The following NR3C2 variants were observed in gnomAD, a reference collection of about 807,000 sequenced individuals.
NR3C2 encodes nuclear receptor subfamily 3 group C member 2.
Under a neutral mutation model 86.4 loss-of-function variants are expected in NR3C2, and 15 were observed. That is an observed-to-expected ratio of 0.17 (90% confidence interval 0.12 to 0.27). The LOEUF is 0.27. Among genes scored for constraint, NR3C2 ranks in the 10% least tolerant of loss-of-function variants. NR3C2 has a pLI of 1.00. For missense variants in NR3C2, 960 were observed against 1,195.6 expected (o/e 0.80, Z 2.91); for synonymous variants, 458 against 450.5 (o/e 1.02, Z -0.21).
chr4:148,143,860 T>A (rs1733735739), intron 6 of NR3C2, among the ~76,000 whole-genome samples: 1 of 137,852 alleles, frequency 7.3e-6, no homozygotes, highest in Admixed American at 8.3e-5. Flanking sequence ...GGCAGGAGAA[T>A]CCCTTGAACC....
chr4:148,251,427 G>C (rs765072894), intron 3 of NR3C2, among the ~76,000 whole-genome samples: 3 of 152,164 alleles, frequency 2.0e-5, no homozygotes, highest in Non-Finnish European at 4.4e-5. Flanking sequence ...AATCACACAA[G>C]TTATATGATC....
intron 2 of NR3C2, among the ~76,000 whole-genome samples, chr4:148,286,826 A>C (rs1741548671): frequency 6.6e-6 from 1 of 152,242 alleles, no homozygotes; most frequent in Non-Finnish European, 1.5e-5. Flanking sequence ...CAGCAAAAAA[A>C]TTCTCATAAC....
At chr4:148,305,941 G>T (rs17581605) in intron 2 of NR3C2, among the ~76,000 whole-genome samples, 3 of 152,046 alleles carry the variant, frequency 2.0e-5, no homozygotes, top group Non-Finnish European at 4.4e-5. Context: ...AAAGAGACTC[G>T]CCAGAGCTAG....
chr4:148,251,769 T>G (rs1330803050), intron 3 of NR3C2, among the ~76,000 whole-genome samples: 1 of 152,214 alleles, frequency 6.6e-6, no homozygotes, highest in African/African-American at 2.4e-5. Context: ...AAATAGAGAT[T>G]ACCCAATTTC....
chr4:148,145,458 C>T (rs970169703), intron 6 of NR3C2, among the ~76,000 whole-genome samples: 3 of 152,182 alleles, frequency 2.0e-5, no homozygotes, highest in Admixed American at 1.3e-4. Flanking sequence ...GAGAGTAACC[C>T]CTCTTCCAAG....
intron 4 of NR3C2, among the ~76,000 whole-genome samples, chr4:148,163,045 T>TG (rs1734735405): frequency 6.6e-6 from 1 of 152,136 alleles, no homozygotes; most frequent in Non-Finnish European, 1.5e-5. Flanking sequence ...GGCTAAATCA[T>TG]GGGGAGCATC....
chr4:148,128,259 C>G (rs1732844110), intron 6 of NR3C2, among the ~76,000 whole-genome samples: 3 of 152,202 alleles, frequency 2.0e-5, no homozygotes, highest in African/African-American at 7.2e-5. Context: ...CATTATGAGA[C>G]TAGTCCATTG....
intron 2 of NR3C2, among the ~76,000 whole-genome samples, chr4:148,333,005 C>A (rs558163696): frequency 6.6e-6 from 1 of 152,194 alleles, no homozygotes; most frequent in South Asian, 2.1e-4. Context: ...GTGGTTCAAG[C>A]CTGTAATCCC....
chr4:148,344,291 AAGT>A (rs1413847239), intron 2 of NR3C2, among the ~76,000 whole-genome samples: 1 of 152,192 alleles, frequency 6.6e-6, no homozygotes, highest in African/African-American at 2.4e-5. Context: ...ACATGATTAG[AAGT>A]ATATCTAACA....
Position 148,081,265 on chromosome 4 carries a change from A to AAAC in NR3C2, c.*76_*78dup, listed in dbSNP as rs1201811365. On this transcript the variant is annotated 3_prime_UTR_variant, in exon 9 of 9. Coordinates refer to ENST00000358102, the MANE Select transcript of NR3C2 (RefSeq NM_000901.5). ...GTGTGAATCAACCATCACATGTTAA[A>AAAC]AACAGGTTTTCTTGGGTCCTTCTGG... The AAAC allele has an allele frequency of 2.5e-6, 4 of 1,577,040 alleles. No homozygotes were observed. The African/African-American group carries it at 5.4e-5, about 21-fold the overall frequency.
At chr4:148,129,344 G>A (rs1030213580) in intron 6 of NR3C2, among the ~76,000 whole-genome samples, 3 of 152,152 alleles carry the variant, frequency 2.0e-5, no homozygotes, top group East Asian at 1.9e-4. Context: ...TAAGTAAAAC[G>A]GTGGTTACCA....
chr4:148,120,662 C>A (rs1005664593), intron 6 of NR3C2, among the ~76,000 whole-genome samples: 4 of 152,226 alleles, frequency 2.6e-5, no homozygotes, highest in Non-Finnish European at 5.9e-5. Context: ...TGTTCCTTTT[C>A]AGCCACAGAT....
At chr4:148,177,020 T>C (rs1478859027) in intron 4 of NR3C2, among the ~76,000 whole-genome samples, 1 of 152,242 alleles carries the variant, frequency 6.6e-6, no homozygotes, top group Non-Finnish European at 1.5e-5. Context: ...TTAAGTATTC[T>C]TTTCAAAATA....
At chr4:148,341,499 A>G (rs1373152281) in intron 2 of NR3C2, among the ~76,000 whole-genome samples, 2 of 152,154 alleles carry the variant, frequency 1.3e-5, no homozygotes, top group Non-Finnish European at 2.9e-5. Flanking sequence ...ATGAGTACAA[A>G]TATACAGTTA....
intron 2 of NR3C2, among the ~76,000 whole-genome samples, chr4:148,277,973 C>T (rs1480023482): frequency 1.3e-5 from 2 of 152,156 alleles, no homozygotes; most frequent in Non-Finnish European, 2.9e-5. Flanking sequence ...ATGTATTCTC[C>T]AAAAGGAGAA....
intron 6 of NR3C2, among the ~76,000 whole-genome samples, chr4:148,121,526 G>A (rs1732504286): frequency 6.6e-6 from 1 of 152,002 alleles, no homozygotes; most frequent in East Asian, 1.9e-4. Context: ...TATGTGCACC[G>A]GATTTTTAAA....
intron 2 of NR3C2, among the ~76,000 whole-genome samples, chr4:148,354,911 C>T (rs1324494637): frequency 6.6e-6 from 1 of 152,010 alleles, no homozygotes; most frequent in Non-Finnish European, 1.5e-5. Flanking sequence ...AAACATTATA[C>T]TCCAAATTAG....
intron 3 of NR3C2, among the ~76,000 whole-genome samples, chr4:148,200,881 C>T (rs1736685934): frequency 6.6e-6 from 1 of 152,036 alleles, no homozygotes; most frequent in South Asian, 2.1e-4. Flanking sequence ...TCTACTAATA[C>T]ACCACTTCTA....
chr4:148,087,124 A>G (rs1338632610), intron 8 of NR3C2, among the ~76,000 whole-genome samples: 1 of 152,222 alleles, frequency 6.6e-6, no homozygotes, highest in African/African-American at 2.4e-5. Flanking sequence ...CTATACACCA[A>G]TAATAGACAA....
Sources: gnomAD v4.1 joint callset for allele counts (sites outside exome capture counted in the v4.1 genomes callset) on GRCh38, gnomAD v4.1.1 for gene constraint, MANE v1.5 for transcripts, NCBI Gene and HGNC (gene_info 2026-07-23, HGNC 2026-07-21) for gene names.